STRN3: variants seen among roughly 807,000 people sequenced by gnomAD.
STRN3 encodes striatin 3.
A neutral mutation model predicts 95.6 loss-of-function variants in STRN3; 29 were observed. That is an observed-to-expected ratio of 0.30 (90% confidence interval 0.23 to 0.41). The LOEUF (loss-of-function observed/expected upper bound fraction) is 0.41, where lower values mean the gene tolerates loss of function less well. Ranked by LOEUF, STRN3 falls within the 10% of genes least tolerant of loss-of-function variation. STRN3 has a pLI of 1.00. For missense variants in STRN3, 890 were observed against 972.1 expected, an observed-to-expected ratio of 0.92 and a Z score of 1.12; for synonymous variants, 331 against 357.6, an observed-to-expected ratio of 0.93 and a Z score of 0.84.
intron 1 of STRN3, among the ~76,000 whole-genome samples, chr14:30,967,608 T>G (rs1880595907): frequency 6.6e-6 from 1 of 152,172 alleles, no homozygotes; most frequent in South Asian, 2.1e-4. Context: ...CCAAATGCAT[T>G]CTATCTGTAG....
chr14:30,940,014 A>C (rs184542653), intron 5 of STRN3, among the ~76,000 whole-genome samples: 345 of 152,188 alleles, frequency 2.3e-3, no homozygotes, highest in Non-Finnish European at 3.7e-3. Context: ...TTTTCCTGAA[A>C]TAACTGCCTA....
intron 16 of STRN3, among the ~76,000 whole-genome samples, chr14:30,897,738 AAT>A (rs2138936034): frequency 1.3e-5 from 2 of 152,330 alleles, no homozygotes; most frequent in East Asian, 3.9e-4. Context: ...TAATAAACAA[AAT>A]AGTCTTAGAA....
At chr14:31,011,683 C>A (rs1177668306) in intron 1 of STRN3, among the ~76,000 whole-genome samples, 1 of 151,916 alleles carries the variant, frequency 6.6e-6, no homozygotes, top group Non-Finnish European at 1.5e-5. Flanking sequence ...TAAGTGCTAA[C>A]AAGGAAATGA....
chr14:31,018,775 CAGAGAG>C (rs1157710066), intron 1 of STRN3: 10 of 468,112 alleles, frequency 2.1e-5, no homozygotes, highest in African/African-American at 1.8e-4. Context: ...AATAGCAAAG[CAGAGAG>C]AAGCTCAACA....
At chr14:30,924,000 A>T (rs893802615) in intron 8 of STRN3, among the ~76,000 whole-genome samples, 1 of 151,900 alleles carries the variant, frequency 6.6e-6, no homozygotes, top group Non-Finnish European at 1.5e-5. Flanking sequence ...TTTACAAAAG[A>T]TTAATTCAAG....
intron 16 of STRN3, among the ~76,000 whole-genome samples, chr14:30,898,971 CAT>C (rs1229526696): frequency 1.3e-5 from 2 of 152,198 alleles, no homozygotes; most frequent in African/African-American, 4.8e-5. Context: ...CCTTCAACCT[CAT>C]GTGTAAAATG....
intron 1 of STRN3, among the ~76,000 whole-genome samples, chr14:31,018,217 G>A (rs556631264): frequency 1.3e-5 from 2 of 152,074 alleles, no homozygotes; most frequent in East Asian, 3.9e-4. Context: ...GAGGCAGGCT[G>A]CCTGCATACC....
intron 1 of STRN3, among the ~76,000 whole-genome samples, chr14:30,986,651 A>G (rs1881708551): frequency 1.3e-5 from 2 of 152,202 alleles, no homozygotes; most frequent in African/African-American, 2.4e-5. Flanking sequence ...TGCAAATTAC[A>G]TTTTCCATCC....
At chr14:30,938,099 GTT>G (rs10717397) in intron 5 of STRN3, among the ~76,000 whole-genome samples, 2 of 146,936 alleles carry the variant, frequency 1.4e-5, no homozygotes, top group African/African-American at 5.0e-5. Context: ...TTTAATTGTC[GTT>G]TTTTTTTTCA....
chr14:31,002,469 T>TCA (rs1419329935), intron 1 of STRN3, among the ~76,000 whole-genome samples: 308 of 35,564 alleles, frequency 8.7e-3, no homozygotes, highest in Non-Finnish European at 0.015. Context: ...AGACTCTGTC[T>TCA]CAAAAAAAAA....
intron 1 of STRN3, among the ~76,000 whole-genome samples, chr14:31,021,094 T>C (rs566505171): frequency 1.2e-3 from 184 of 152,144 alleles, no homozygotes; most frequent in African/African-American, 4.4e-3. Context: ...GTACTAGCGA[T>C]GGGGAGGATA....
At chr14:30,929,961 A>AC (rs1566441362) in intron 7 of STRN3, among the ~76,000 whole-genome samples, 2 of 144,258 alleles carry the variant, frequency 1.4e-5, no homozygotes, top group South Asian at 2.1e-4. Context: ...TAGCAAAAAA[A>AC]AAAAAAAAAA....
chr14:31,014,825 A>C, intron 1 of STRN3: 1 of 420,968 alleles, frequency 2.4e-6, no homozygotes, highest in Non-Finnish European at 4.7e-6. Flanking sequence ...AAAAAAAAAA[A>C]AAAAACAGGG....
intron 1 of STRN3, among the ~76,000 whole-genome samples, chr14:30,993,846 A>T (rs1566480930): frequency 6.7e-6 from 1 of 149,868 alleles, no homozygotes; most frequent in Non-Finnish European, 1.5e-5. Context: ...CACCCAGCTA[A>T]TTTTTGTGTT....
In STRN3 at chr14:30,921,069, T is replaced by TACACACACACACACACACACACAC. The variant is rs367677158; in HGVS notation, c.1100-1964_1100-1963insGTGTGTGTGTGTGTGTGTGTGTGT. 5.8e-5 allele frequency among the ~76,000 whole-genome samples: 7 copies of TACACACACACACACACACACACAC among 119,958 alleles called. No homozygotes were observed. The East Asian group carries it at 1.2e-3, about 20-fold the overall frequency. The allele number at this position is 119,958 out of a possible 152,430, so 78.7% of individuals were successfully genotyped here. ...GGTGAGAAGGCTTTCTACACATACA[T>TACACACACACACACACACACACAC]ATACACACACACACACACACACACA... On this transcript the variant is annotated intron_variant, in intron 8 of 17. Transcript: ENST00000357479.
chr14:30,909,665 A>G (rs921135880), intron 13 of STRN3, among the ~76,000 whole-genome samples: 2 of 152,094 alleles, frequency 1.3e-5, no homozygotes, highest in African/African-American at 4.8e-5. Flanking sequence ...TTTGGCAGAC[A>G]TGAGGTCTCA....
At chr14:30,914,446 AG>A (rs2138998176) in intron 9 of STRN3, among the ~76,000 whole-genome samples, 1 of 152,012 alleles carries the variant, frequency 6.6e-6, no homozygotes, top group South Asian at 2.1e-4. Flanking sequence ...TCCACCTCCT[AG>A]GTTCAAGCAA....
intron 8 of STRN3, among the ~76,000 whole-genome samples, chr14:30,923,694 T>C (rs1441188649): frequency 2.0e-5 from 3 of 152,134 alleles, no homozygotes; most frequent in Non-Finnish European, 2.9e-5. Flanking sequence ...ATTTTATAGG[T>C]ATAATATAGC....
chr14:31,025,570 T>C (rs1374826490), intron 1 of STRN3: 3 of 373,774 alleles, frequency 8.0e-6, no homozygotes, highest in Non-Finnish European at 1.5e-5. Flanking sequence ...CAAACCGGAC[T>C]CTCCCACAGA....
Sources: allele counts gnomAD v4.1 joint callset (sites outside exome capture counted in the v4.1 genomes callset), GRCh38; gene constraint gnomAD v4.1.1; transcripts MANE v1.5; gene names NCBI Gene and HGNC (gene_info 2026-07-23, HGNC 2026-07-21).